The following PHKA2 variants were observed in gnomAD, a reference collection of about 807,000 sequenced individuals.
The protein encoded by PHKA2 is phosphorylase kinase regulatory subunit alpha 2, also known as phosphorylase b kinase regulatory subunit alpha, liver isoform.
A neutral mutation model predicts 102.0 loss-of-function variants in PHKA2; 31 were observed. The ratio of observed to expected loss-of-function variants is 0.30; its 90% CI spans 0.23 to 0.41. The LOEUF (loss-of-function observed/expected upper bound fraction) is 0.41. Ranked by LOEUF, PHKA2 falls within the 10% of genes least tolerant of loss-of-function variation. The pLI, the probability that PHKA2 is intolerant of heterozygous loss-of-function variation, is 1.00. For missense variants in PHKA2, 858 were observed against 1,023.1 expected (o/e 0.84, Z 2.20); for synonymous variants, 455 against 416.2 (o/e 1.09, Z -1.13).
intron 15 of PHKA2, among the ~76,000 whole-genome samples, chrX:18,925,241 T>C (rs1046033836): frequency 1.8e-5 from 2 of 112,545 alleles, no homozygotes; most frequent in Admixed American, 9.4e-5. Flanking sequence ...AGGACTAGTT[T>C]TCTTTGGAAA....
chrX:18,938,009 A>G (rs933869543), intron 10 of PHKA2, among the ~76,000 whole-genome samples: 1 of 112,345 alleles, frequency 8.9e-6, no homozygotes, highest in Non-Finnish European at 1.9e-5. Flanking sequence ...CTGTGATGGA[A>G]TGTTCTTGCT....
intron 11 of PHKA2, among the ~76,000 whole-genome samples, chrX:18,934,067 A>C (rs1316032669): frequency 9.0e-6 from 1 of 111,718 alleles, no homozygotes; most frequent in African/African-American, 3.3e-5. Flanking sequence ...CCAGGTTCCA[A>C]ATTACCTCTC....
rs2047460661 is a variant in PHKA2, at chrX:18,893,306, A to ATCTCTG, written c.*173_*178dup. On this transcript the variant is annotated 3_prime_UTR_variant, in exon 33 of 33. Transcript: ENST00000379942. ...GGGGAACACAGGACTCCTCAGCTCT[A>ATCTCTG]TCTCTGTGGCTTTAACATACATCAG... The ATCTCTG allele has an allele frequency of 3.9e-6, 2 of 508,569 alleles. No homozygotes were observed. Among genetic ancestry groups the ATCTCTG allele is most frequent in the Admixed American group, 5.4e-5 (2 of 36,843 alleles). 41.9% of individuals were successfully genotyped at this position (508,569 alleles called of 1,213,427 possible).
intron 18 of PHKA2, 80 bp downstream of exon 18, chrX:18,919,952 G>A: frequency 1.3e-6 from 1 of 755,408 alleles, no homozygotes; most frequent in Non-Finnish European, 2.0e-6. Context: ...GTCTATATTT[G>A]AGTCTTAGGG....
At chrX:18,895,489 C>A in intron 30 of PHKA2, 1 of 325,693 alleles carries the variant, frequency 3.1e-6, no homozygotes, top group Non-Finnish European at 5.4e-6. Context: ...GGCAACTGGG[C>A]CCGGGCGGCT....
In PHKA2 at chrX:18,952,451, A is replaced by G. The variant is rs755285368; in HGVS notation, c.285+43T>C. 2.7e-6 allele frequency: 3 copies of G among 1,120,456 alleles called. No individual in the cohort carries two copies. The Admixed American group carries it at 6.5e-5, about 24-fold the overall frequency. 92.3% of individuals were successfully genotyped at this position (1,120,456 alleles called of 1,213,427 possible). A position where few individuals can be genotyped will look rare whatever the true frequency, so the allele number is the denominator to read the frequency against. On this transcript the variant is annotated intron_variant, in intron 3 of 32. Coordinates refer to ENST00000379942, the MANE Select transcript of PHKA2 (RefSeq NM_000292.3). ...TGTTAACTGTCACAATTACAATGACATGGAATGCCCACTTGGCAAACACGT... is the reference window on the plus strand; with the variant it reads ...TGTTAACTGTCACAATTACAATGACGTGGAATGCCCACTTGGCAAACACGT...
intron 1 of PHKA2, among the ~76,000 whole-genome samples, chrX:18,965,204 G>A (rs1174992914): frequency 8.9e-6 from 1 of 111,768 alleles, no homozygotes; most frequent in East Asian, 2.8e-4. Context: ...CACTCTCCTA[G>A]GAGACTTTAA....
intron 20 of PHKA2, 60 bp downstream of exon 20, chrX:18,910,812 G>A: frequency 1.5e-6 from 1 of 657,969 alleles, no homozygotes; most frequent in Non-Finnish European, 2.5e-6. Context: ...AAGAGTTTGG[G>A]GACTCATCCT....
chrX:18,962,364 A>T (rs934817193), intron 1 of PHKA2, among the ~76,000 whole-genome samples: 10 of 112,277 alleles, frequency 8.9e-5, no homozygotes, highest in African/African-American at 2.9e-4. Flanking sequence ...AGATTGAAAC[A>T]AACTAAACAG....
Position 18,920,140 on chromosome X carries a change from GA to G in PHKA2, c.1854del (p.Leu619TrpfsTer27). 8.9e-7 allele frequency: 1 copy of G among 1,126,516 alleles called. No individual in the cohort carries two copies. The highest frequency in any genetic ancestry group is 1.2e-6 in the Non-Finnish European group (1 of 817,475). 92.8% of individuals were successfully genotyped at this position (1,126,516 alleles called of 1,213,427 possible). A position where few individuals can be genotyped will look rare whatever the true frequency, so the allele number is the denominator to read the frequency against. ...LTTSFYTYLTFLDPDCDEKLF... is the reference protein window; with the variant it reads ...LTTSFYTYLTXLDPDCDEKLF... ...AACTTCTCATCACAGTCTGGATCCA[GA>G]AAAGTCAGATATGTGTAGAACGATG... On this transcript the variant is annotated frameshift_variant, in exon 18 of 33. Coordinates refer to ENST00000379942, the MANE Select transcript of PHKA2 (RefSeq NM_000292.3). LOFTEE classifies it high-confidence loss of function.
chrX:18,900,969 G>A (rs2047670283), intron 27 of PHKA2, among the ~76,000 whole-genome samples: 1 of 109,610 alleles, frequency 9.1e-6, no homozygotes, highest in Non-Finnish European at 1.9e-5. Flanking sequence ...TTAAGACTCC[G>A]ATGTTGAGCT....
At position 18,894,283 on chromosome X, in the gene PHKA2, G is replaced by C. The variant is rs768511577; in HGVS notation, c.3458C>G (p.Thr1153Arg). The C allele has an allele frequency of 9.9e-6, 12 of 1,209,693 alleles. No individual in the cohort carries two copies. In the African/African-American group the frequency reaches 1.6e-4, roughly 16 times the overall value. ...AIMVLTLLSD[T>R]EMTSIGGIIH... ...GATGCCCCCGATGCTGGTCATCTCC[G>C]TGTCCGAGAGCAGCGTCAGCACCAT... Residue 1153 changes from threonine (T) to arginine (R), a missense_variant, in exon 32 of 33, where the codon ACG becomes AGG. Coordinates refer to ENST00000379942, the MANE Select transcript of PHKA2 (RefSeq NM_000292.3).
chrX:18,911,708 T>C (rs1442683589), intron 19 of PHKA2, among the ~76,000 whole-genome samples: 1 of 112,711 alleles, frequency 8.9e-6, no homozygotes, highest in Admixed American at 9.4e-5. Context: ...GAATTTATCA[T>C]GTAGCCACCT....
intron 12 of PHKA2, 62 bp from the exon 13 acceptor site, chrX:18,929,368 G>A (rs1288135093): frequency 1.3e-6 from 1 of 783,169 alleles, no homozygotes. Flanking sequence ...ATCTTAAACT[G>A]AAGTGTGAAA....
At chrX:18,913,016 T>A (rs2047953636) in intron 19 of PHKA2, among the ~76,000 whole-genome samples, 3 of 107,346 alleles carry the variant, frequency 2.8e-5, no homozygotes, top group African/African-American at 1.0e-4. Context: ...AGACTGAGGC[T>A]GCAGTAAGCC....
intron 5 of PHKA2, among the ~76,000 whole-genome samples, chrX:18,946,955 G>T (rs1332281769): frequency 9.1e-6 from 1 of 109,390 alleles, no homozygotes. Context: ...AACACCTACT[G>T]ACCAGGTGCG....
At chrX:18,911,358 G>A (rs1483823851) in intron 19 of PHKA2, among the ~76,000 whole-genome samples, 1 of 111,074 alleles carries the variant, frequency 9.0e-6, no homozygotes, top group Admixed American at 9.6e-5. Flanking sequence ...TCTTTAGTAG[G>A]GACGGAATTT....
intron 11 of PHKA2, among the ~76,000 whole-genome samples, 160 bp downstream of exon 11, chrX:18,935,895 C>T (rs954188873): frequency 9.1e-6 from 1 of 110,423 alleles, no homozygotes; most frequent in African/African-American, 3.3e-5. Context: ...GGATTACAGG[C>T]GTGAGCCACC....
chrX:18,902,003 C>T (rs760869059), intron 26 of PHKA2, among the ~76,000 whole-genome samples: 7 of 110,277 alleles, frequency 6.3e-5, no homozygotes, highest in East Asian at 2.9e-4. Flanking sequence ...CCATCACGCC[C>T]GGCTAATTTT....
Sources: gnomAD v4.1 joint callset for allele counts (sites outside exome capture counted in the v4.1 genomes callset) on GRCh38, gnomAD v4.1.1 for gene constraint, MANE v1.5 for transcripts, NCBI Gene and HGNC (gene_info 2026-07-23, HGNC 2026-07-21) for gene names.